Variants in FHL3 observed in about 807,000 individuals in gnomAD.
FHL3 encodes four and a half LIM domains protein 3.
Under a neutral mutation model 34.3 loss-of-function variants are expected in FHL3, and 21 were observed. That is an observed-to-expected ratio of 0.61 (90% CI 0.43 to 0.88). The LOEUF (loss-of-function observed/expected upper bound fraction) is 0.88, where lower values mean the gene tolerates loss of function less well. FHL3 is among the 40% of genes least tolerant of loss of function. The pLI, the probability that FHL3 is intolerant of heterozygous loss-of-function variation, is 0.00. For missense variants in FHL3, 333 were observed against 373.7 expected, an observed-to-expected ratio of 0.89 and a Z score of 0.90; for synonymous variants, 137 against 144.6, an observed-to-expected ratio of 0.95 and a Z score of 0.38.
rs1646553899 is a variant in FHL3, at chr1:37,998,057, A to C, written c.407T>G (p.Leu136Arg). Residue 136 changes from leucine (L) to arginine (R), a missense_variant, in exon 4 of 6, where the codon CTG becomes CGG. Leu to Arg is a moderately radical substitution (Grantham distance 102, BLOSUM62 -2). Transcript: ENST00000373016. Reference sequence around the variant, plus strand: ...GTCGGGCACAAAAGAACGGGAGCCCAGTGGCTGTTCACAGCCACTGCACAG... The same window carrying C: ...GTCGGGCACAAAAGAACGGGAGCCCCGTGGCTGTTCACAGCCACTGCACAG... ...CFLCSGCEQP[L>R]GSRSFVPDKG... 1.9e-6 allele frequency: 3 copies of C among 1,614,074 alleles called. No homozygotes were observed. The highest frequency in any genetic ancestry group is 2.5e-6 in the Non-Finnish European group (3 of 1,179,970).
At chr1:38,000,373 C>T (rs891175035) in intron 1 of FHL3, among the ~76,000 whole-genome samples, 1 of 152,158 alleles carries the variant, frequency 6.6e-6, no homozygotes, top group African/African-American at 2.4e-5. Context: ...ATCTTTCCAT[C>T]CCCTGGGGTC....
intron 3 of FHL3, among the ~76,000 whole-genome samples, chr1:37,998,353 T>A (rs1259257058): frequency 6.6e-6 from 1 of 152,152 alleles, no homozygotes; most frequent in Admixed American, 6.5e-5. Context: ...TTGGCCTATG[T>A]TAAGCCCCCA....
intron 1 of FHL3, among the ~76,000 whole-genome samples, chr1:38,004,786 C>G (rs1570490337): frequency 6.6e-6 from 1 of 152,338 alleles, no homozygotes; most frequent in Non-Finnish European, 1.5e-5. Flanking sequence ...GCAGATTCAG[C>G]ATGAGGCCAA....
intron 1 of FHL3, 83 bp from the exon 2 acceptor site, chr1:37,999,515 C>T: frequency 7.4e-7 from 1 of 1,346,022 alleles, no homozygotes; most frequent in Non-Finnish European, 1.0e-6. Context: ...GCATTCAAAA[C>T]ACAGCCAAGA....
intron 1 of FHL3, 116 bp downstream of exon 1, chr1:38,005,241 G>C (rs1252807075): frequency 2.6e-5 from 4 of 151,742 alleles, no homozygotes; most frequent in African/African-American, 9.7e-5. Context: ...GAGCCCGGCG[G>C]GTACAGGGGA....
chr1:37,999,516 A>G, intron 1 of FHL3, 84 bp from the exon 2 acceptor site: 1 of 1,331,512 alleles, frequency 7.5e-7, no homozygotes, highest in East Asian at 2.4e-5. Context: ...CATTCAAAAC[A>G]CAGCCAAGAG....
rs769098810 is a variant in FHL3 at position 37,999,286 on chromosome 1, A to G, written c.127T>C (p.Cys43Arg). The change falls in exon 2 of 6, where the codon TGC (cysteine) becomes CGC (arginine). Residue 43 changes from cysteine to arginine, a missense_variant. Physicochemically the swap from Cys to Arg is radical, Grantham distance 180. Coordinates refer to ENST00000373016, the MANE Select transcript of FHL3 (RefSeq NM_004468.5). ...DNTFANTCAE[C>R]QQLIGHDSRE... Reference sequence around the variant, plus strand: ...GAGTCATGCCCGATAAGCTGCTGGCACTCAGCACAGGTGTTGGCAAAGGTA... The same window carrying G: ...GAGTCATGCCCGATAAGCTGCTGGCGCTCAGCACAGGTGTTGGCAAAGGTA... 1 of 1,614,090 alleles carries G rather than the reference A, an allele frequency of 6.2e-7. No homozygotes were observed. Among genetic ancestry groups the G allele is most frequent in the South Asian group, 1.1e-5 (1 of 91,082 alleles).
chr1:38,005,359 C>G lies in FHL3; in HGVS notation c.-23G>C, dbSNP rs1010984683. 1 of 149,660 alleles carries G rather than the reference C, an allele frequency of 6.7e-6. No homozygotes were observed. The highest frequency in any genetic ancestry group is 2.4e-5 in the African/African-American group (1 of 41,144). The allele number at this position is 149,660 out of a possible 1,614,324, so 9.3% of individuals were successfully genotyped here. ...GCCGGGGTCGGCGGGGCGCTCACCT[C>G]GAAGCGGGCGGCGGGAGCGGGGAGC... On this transcript the variant is annotated splice_region_variant and 5_prime_UTR_variant, in exon 1 of 6. Transcript: ENST00000373016.
intron 1 of FHL3, among the ~76,000 whole-genome samples, chr1:38,001,466 C>T (rs980468469): frequency 6.6e-6 from 1 of 152,212 alleles, no homozygotes; most frequent in African/African-American, 2.4e-5. Flanking sequence ...CCAGGGCAAC[C>T]CAAATAGGGT....
At chr1:37,998,563 C>A (rs1031214984) in intron 3 of FHL3, among the ~76,000 whole-genome samples, 1 of 152,086 alleles carries the variant, frequency 6.6e-6, no homozygotes, top group Non-Finnish European at 1.5e-5. Context: ...CATGCTAAGC[C>A]CTCGCATCTC....
Position 37,999,422 on chromosome 1 carries a change from G to C in FHL3, c.-10C>G, listed in dbSNP as rs756577526. On this transcript the variant is annotated 5_prime_UTR_variant, in exon 2 of 6. Transcript: ENST00000373016. The stretch of plus-strand genomic sequence containing the variant: ...CAAATGACTCGCTCATGGTGGCAAG[G>C]GGAGAGAACCCTGTTAGGAGCACAA... The C allele has an allele frequency of 1.2e-6, 2 of 1,613,930 alleles. No individual in the cohort carries two copies. The highest frequency in any genetic ancestry group is 2.2e-5 in the East Asian group (1 of 44,888).
chr1:38,001,866 T>C (rs1424151074), intron 1 of FHL3, among the ~76,000 whole-genome samples: 4 of 152,164 alleles, frequency 2.6e-5, no homozygotes, highest in Non-Finnish European at 5.9e-5. Flanking sequence ...ACTGGCTGAG[T>C]GATCTTGGGC....
chr1:37,999,670 T>C (rs1210473123), intron 1 of FHL3, among the ~76,000 whole-genome samples: 1 of 152,160 alleles, frequency 6.6e-6, no homozygotes, highest in Non-Finnish European at 1.5e-5. Flanking sequence ...AGAAGTTGTT[T>C]TCTTATCTAG....
At chr1:38,004,776 G>A (rs1371001435) in intron 1 of FHL3, among the ~76,000 whole-genome samples, 1 of 152,196 alleles carries the variant, frequency 6.6e-6, no homozygotes, top group Non-Finnish European at 1.5e-5. Flanking sequence ...GCCTCAGAGA[G>A]CAGATTCAGC....
Position 37,997,801 on chromosome 1 carries a change from A to C in FHL3, c.571T>G (p.Cys191Gly). Residue 191 changes from cysteine (C) to glycine (G), a missense_variant, in exon 5 of 6, where the codon TGC becomes GGC. By Grantham distance (159) the Cys-to-Gly change is radical. Transcript: ENST00000373016. The surrounding 1 kb of genome is among the most constrained non-coding windows in gnomAD (Gnocchi z 4.3). The stretch of plus-strand genomic sequence containing the variant: ...TGCTGCCCTGCCAGGGGCGTCTGGC[A>C]TCCGGTACAGACCAGACATTCTCGA... Reference protein sequence around the residue: ...WHRECLVCTGCQTPLAGQQFT... With the variant: ...WHRECLVCTGGQTPLAGQQFT... 1 of 1,614,134 alleles carries C rather than the reference A, an allele frequency of 6.2e-7. No individual in the cohort carries two copies. Among genetic ancestry groups the C allele is most frequent in the Non-Finnish European group, 8.5e-7 (1 of 1,179,990 alleles).
Position 37,999,237 on chromosome 1 carries a change from T to C in FHL3, c.156+20A>G. The stretch of plus-strand genomic sequence containing the variant: ...CACTGGTCACCACCCACCTCCTGCC[T>C]GGCCTGGCCCTCTCCTTACCCTCGA... On this transcript the variant is annotated intron_variant, in intron 2 of 5. Coordinates refer to ENST00000373016, the MANE Select transcript of FHL3 (RefSeq NM_004468.5). The C allele has an allele frequency of 5.0e-6, 8 of 1,614,084 alleles. No homozygotes were observed. The highest frequency in any genetic ancestry group is 6.8e-6 in the Non-Finnish European group (8 of 1,179,948).
Position 37,999,377 on chromosome 1 carries a change from C to G in FHL3, c.36G>C (p.Glu12Asp). ...GGATGTACTTGCGTCCATACAGGGACTCGTTGCATTTTGCACAGTCAAATG... is the reference window on the plus strand; with the variant it reads ...GGATGTACTTGCGTCCATACAGGGAGTCGTTGCATTTTGCACAGTCAAATG... ...SESFDCAKCN[E>D]SLYGRKYIQT... The change falls in exon 2 of 6, where the codon GAG (glutamate) becomes GAC (aspartate). Residue 12 changes from glutamate (E) to aspartate (D), a missense_variant. Glu to Asp is a conservative substitution (Grantham distance 45). Coordinates refer to ENST00000373016, the MANE Select transcript of FHL3 (RefSeq NM_004468.5). 6.2e-7 allele frequency: 1 copy of G among 1,614,230 alleles called. No homozygotes were observed. Among genetic ancestry groups the G allele is most frequent in the Admixed American group, 1.7e-5 (1 of 60,024 alleles).
chr1:38,002,708 T>G (rs1435034908), intron 1 of FHL3, among the ~76,000 whole-genome samples: 2 of 151,594 alleles, frequency 1.3e-5, no homozygotes, highest in East Asian at 1.9e-4. Flanking sequence ...GCCCAGCTAA[T>G]TTTTGTATTT....
chr1:38,004,115 A>G (rs1217666288), intron 1 of FHL3, among the ~76,000 whole-genome samples: 1 of 152,014 alleles, frequency 6.6e-6, no homozygotes, highest in South Asian at 2.1e-4. Context: ...CCGGGCACCA[A>G]CCCCAAGCTC....
Sources: gnomAD v4.1 joint callset for allele counts (sites outside exome capture counted in the v4.1 genomes callset) on GRCh38, gnomAD v4.1.1 for gene constraint, Gnocchi (gnomAD v3.1) non-coding constraint, MANE v1.5 for transcripts, NCBI Gene and HGNC (gene_info 2026-07-23, HGNC 2026-07-21) for gene names.